The following ADK variants were observed in gnomAD, a reference collection of about 807,000 sequenced individuals.
The protein encoded by ADK is adenosine kinase.
In ADK, 24 loss-of-function variants were observed where a neutral mutation model predicts 44.7. The observed-to-expected ratio is 0.54, with a 90% CI of 0.39 to 0.76. ADK has a LOEUF of 0.76. ADK is among the 30% of genes least tolerant of loss of function. The pLI, the probability that ADK is intolerant of heterozygous loss-of-function variation, is 0.00. For missense variants in ADK, 321 were observed against 425.1 expected, an observed-to-expected ratio of 0.76 and a Z score of 2.15; for synonymous variants, 128 against 142.6, an observed-to-expected ratio of 0.90 and a Z score of 0.73.
intron 6 of ADK, among the ~76,000 whole-genome samples, chr10:74,409,132 A>T (rs570481135): frequency 6.6e-6 from 1 of 152,222 alleles, no homozygotes; most frequent in South Asian, 2.1e-4. Context: ...ATTTTTTGTA[A>T]TTTCTTAGTC....
chr10:74,497,779 G>C (rs570774940), intron 6 of ADK, among the ~76,000 whole-genome samples: 1 of 152,132 alleles, frequency 6.6e-6, no homozygotes, highest in Non-Finnish European at 1.5e-5. Context: ...GCCACTGCAC[G>C]TCAGCCTGAG....
chr10:74,458,802 T>G (rs140651862), intron 6 of ADK, among the ~76,000 whole-genome samples: 1 of 152,282 alleles, frequency 6.6e-6, no homozygotes, highest in Non-Finnish European at 1.5e-5. Flanking sequence ...TTTAATACTA[T>G]CCCATAGACC....
intron 9 of ADK, among the ~76,000 whole-genome samples, chr10:74,659,525 G>A (rs1854617316): frequency 2.0e-5 from 3 of 152,218 alleles, no homozygotes; most frequent in Non-Finnish European, 2.9e-5. Context: ...GCAATTTTAA[G>A]TGAGACCTGA....
intron 6 of ADK, among the ~76,000 whole-genome samples, chr10:74,438,054 A>G (rs953029339): frequency 1.3e-5 from 2 of 152,042 alleles, no homozygotes; most frequent in African/African-American, 2.4e-5. Flanking sequence ...TAGCTATCTA[A>G]AGTAGCTTTC....
intron 6 of ADK, among the ~76,000 whole-genome samples, chr10:74,516,430 G>C (rs1341593464): frequency 6.6e-6 from 1 of 151,968 alleles, no homozygotes; most frequent in Non-Finnish European, 1.5e-5. Flanking sequence ...TTGTTGCCTT[G>C]ATCCTTTTTT....
intron 3 of ADK, among the ~76,000 whole-genome samples, chr10:74,288,626 G>A (rs1847285714): frequency 6.6e-6 from 1 of 152,108 alleles, no homozygotes; most frequent in Non-Finnish European, 1.5e-5. Flanking sequence ...CTCCAGCCTG[G>A]GTGACAAGAG....
chr10:74,209,901 G>A (rs1843744603), intron 2 of ADK, among the ~76,000 whole-genome samples: 1 of 152,114 alleles, frequency 6.6e-6, no homozygotes, highest in South Asian at 2.1e-4. Flanking sequence ...TAATAGGGAT[G>A]AAAAAGGCAG....
At position 74,404,635 on chromosome 10, in the gene ADK, T is replaced by C. The variant is rs572368693; in HGVS notation, c.555+6056T>C. On this transcript the variant is annotated intron_variant, in intron 6 of 10. Transcript: ENST00000539909. Reference sequence around the variant, plus strand: ...ATAGTTCTTGATAAGAAATCTGACATTCTTTTGTTCTTCAATGTTTCACAA... The same window carrying C: ...ATAGTTCTTGATAAGAAATCTGACACTCTTTTGTTCTTCAATGTTTCACAA... Among the ~76,000 whole-genome samples the C allele has an allele frequency of 3.9e-5, 6 of 152,318 alleles. No homozygotes were observed. In the South Asian group the frequency reaches 1.2e-3, roughly 32 times the overall value.
chr10:74,633,258 C>T (rs886391670), intron 9 of ADK, among the ~76,000 whole-genome samples: 1 of 152,130 alleles, frequency 6.6e-6, no homozygotes, highest in Non-Finnish European at 1.5e-5. Context: ...CACATTGTTC[C>T]ACACCTTGCC....
At chr10:74,689,565 G>C (rs1855911735) in intron 10 of ADK, among the ~76,000 whole-genome samples, 1 of 152,116 alleles carries the variant, frequency 6.6e-6, no homozygotes, top group African/African-American at 2.4e-5. Context: ...TTACAAATTT[G>C]GTTTGCCAAA....
intron 1 of ADK, among the ~76,000 whole-genome samples, chr10:74,182,351 T>TATTTATTTATTC (rs1842591442): frequency 6.8e-6 from 1 of 147,380 alleles, no homozygotes; most frequent in South Asian, 2.1e-4. Context: ...GAAATCTTTT[T>TATTTATTTATTC]ATTTATTTAT....
chr10:74,603,718 A>G (rs1431716014), intron 9 of ADK, among the ~76,000 whole-genome samples: 2 of 152,168 alleles, frequency 1.3e-5, no homozygotes, highest in Admixed American at 6.5e-5. Flanking sequence ...ATATGTGTGT[A>G]TGTGTCTTTA....
chr10:74,292,773 C>A (rs1465069608), intron 3 of ADK, among the ~76,000 whole-genome samples: 2 of 152,108 alleles, frequency 1.3e-5, no homozygotes, highest in East Asian at 3.9e-4. Flanking sequence ...CCATCTAAAT[C>A]GCTAAAGTCA....
chr10:74,333,301 A>C lies in ADK; in HGVS notation c.273+18556A>C, dbSNP rs1841285006. 2.0e-5 allele frequency among the ~76,000 whole-genome samples: 3 copies of C among 152,336 alleles called. No individual in the cohort carries two copies. The South Asian group carries it at 6.2e-4, about 32-fold the overall frequency. ...GCATCTACAGTATTGTACAAAGGAA[A>C]ATGTATTACATTAGGAGGGGGTATG... On this transcript the variant is annotated intron_variant, in intron 4 of 10. Transcript: ENST00000539909.
chr10:74,257,746 GT>G (rs1212115393), intron 3 of ADK, among the ~76,000 whole-genome samples: 5 of 152,112 alleles, frequency 3.3e-5, no homozygotes, highest in Non-Finnish European at 5.9e-5. Flanking sequence ...AATGATTTCT[GT>G]TTAGGCAATA....
At chr10:74,411,687 G>A (rs554137331) in intron 6 of ADK, among the ~76,000 whole-genome samples, 29 of 152,250 alleles carry the variant, frequency 1.9e-4, no homozygotes, top group African/African-American at 6.5e-4. Flanking sequence ...TAGCTGTGAC[G>A]ATTTCTTAAA....
chr10:74,414,837 G>T (rs1394132747), intron 6 of ADK, among the ~76,000 whole-genome samples: 1 of 152,096 alleles, frequency 6.6e-6, no homozygotes, highest in East Asian at 1.9e-4. Flanking sequence ...GTAACACTGT[G>T]ATTTTTATAC....
intron 6 of ADK, among the ~76,000 whole-genome samples, chr10:74,500,387 A>G (rs928368297): frequency 6.6e-6 from 1 of 152,192 alleles, no homozygotes; most frequent in Admixed American, 6.5e-5. Flanking sequence ...AGGATAATAA[A>G]TGGATATTTC....
chr10:74,262,189 G>A (rs1281910094), intron 3 of ADK, among the ~76,000 whole-genome samples: 1 of 151,886 alleles, frequency 6.6e-6, no homozygotes, highest in African/African-American at 2.4e-5. Context: ...TATGGTGGCA[G>A]GTGCCTGTAA....
Sources: allele counts gnomAD v4.1 joint callset (sites outside exome capture counted in the v4.1 genomes callset), GRCh38; gene constraint gnomAD v4.1.1; transcripts MANE v1.5; gene names NCBI Gene and HGNC (gene_info 2026-07-23, HGNC 2026-07-21).